SORCS3: variants seen among roughly 807,000 people sequenced by gnomAD.
The protein encoded by SORCS3 is sortilin related VPS10 domain containing receptor 3.
A neutral mutation model predicts 146.3 loss-of-function variants in SORCS3; 57 were observed. The ratio of observed to expected loss-of-function variants is 0.39; its 90% CI spans 0.31 to 0.49. SORCS3 has a LOEUF of 0.49. Ranked by LOEUF, SORCS3 falls within the 20% of genes least tolerant of loss-of-function variation. The pLI is 0.92. For missense variants in SORCS3, 1,341 were observed against 1,575.5 expected (o/e 0.85, Z 2.52); for synonymous variants, 653 against 618.5 (o/e 1.06, Z -0.83).
intron 8 of SORCS3, among the ~76,000 whole-genome samples, chr10:105,145,079 G>A (rs1166597150): frequency 2.0e-5 from 3 of 152,006 alleles, no homozygotes; most frequent in Non-Finnish European, 4.4e-5. Flanking sequence ...CGGTGGTCAG[G>A]ATTAGAGGCA....
At chr10:105,012,494 G>C (rs2055141396) in intron 4 of SORCS3, among the ~76,000 whole-genome samples, 2 of 152,084 alleles carry the variant, frequency 1.3e-5, no homozygotes, top group African/African-American at 4.8e-5. Context: ...AGAAAGTCTG[G>C]ATGGAAAAGA....
intron 25 of SORCS3, among the ~76,000 whole-genome samples, chr10:105,261,877 G>T (rs140326590): frequency 6.6e-6 from 1 of 152,238 alleles, no homozygotes; most frequent in East Asian, 1.9e-4. Flanking sequence ...TGTAGCAAAA[G>T]CTATGAATCT....
At chr10:104,983,875 C>G (rs2054946195) in intron 4 of SORCS3, among the ~76,000 whole-genome samples, 1 of 152,000 alleles carries the variant, frequency 6.6e-6, no homozygotes, top group Admixed American at 6.6e-5. Flanking sequence ...GGCACCTGGC[C>G]TTTTAAACTC....
chr10:104,812,159 G>A (rs539127448), intron 1 of SORCS3, among the ~76,000 whole-genome samples: 16 of 152,260 alleles, frequency 1.1e-4, no homozygotes. Context: ...CAGTGGTAGC[G>A]CACCTAGAAT....
chr10:105,179,882 C>A (rs2056432360), intron 14 of SORCS3, among the ~76,000 whole-genome samples: 1 of 152,134 alleles, frequency 6.6e-6, no homozygotes, highest in African/African-American at 2.4e-5. Context: ...CTTAGCTTTG[C>A]CGTTGAATTG....
intron 18 of SORCS3, among the ~76,000 whole-genome samples, chr10:105,216,662 A>G: frequency 6.6e-6 from 1 of 152,222 alleles, no homozygotes; most frequent in Non-Finnish European, 1.5e-5. Context: ...GCTTCCCTTC[A>G]GAACTTTACA....
chr10:104,811,081 G>C (rs1207530336), intron 1 of SORCS3, among the ~76,000 whole-genome samples: 1 of 152,216 alleles, frequency 6.6e-6, no homozygotes, highest in Non-Finnish European at 1.5e-5. Context: ...GATAAGACAT[G>C]CACGTAATAA....
At chr10:105,133,090 G>A (rs906749554) in intron 7 of SORCS3, among the ~76,000 whole-genome samples, 1 of 152,168 alleles carries the variant, frequency 6.6e-6, no homozygotes, top group Admixed American at 6.5e-5. Flanking sequence ...GCATCAGCCT[G>A]CTTTTGTGAG....
intron 4 of SORCS3, among the ~76,000 whole-genome samples, chr10:105,007,680 A>T (rs534315269): frequency 6.6e-6 from 1 of 152,088 alleles, no homozygotes; most frequent in Admixed American, 6.5e-5. Flanking sequence ...TCTGGCCACA[A>T]GGTCAGTTCA....
intron 5 of SORCS3, among the ~76,000 whole-genome samples, chr10:105,085,271 G>C (rs1316131348): frequency 2.0e-5 from 3 of 152,256 alleles, no homozygotes; most frequent in African/African-American, 7.2e-5. Flanking sequence ...CCATCAACAT[G>C]GCAGAAGGTG....
chr10:105,213,074 C>T (rs1003791618), intron 17 of SORCS3, among the ~76,000 whole-genome samples: 2 of 152,096 alleles, frequency 1.3e-5, no homozygotes, highest in Non-Finnish European at 2.9e-5. Flanking sequence ...GCTCAGTAGC[C>T]ACAAGGTGCG....
intron 5 of SORCS3, among the ~76,000 whole-genome samples, chr10:105,071,731 G>A (rs78573980): frequency 0.059 from 9,034 of 152,186 alleles, 288 homozygotes; most frequent in Middle Eastern, 0.088. Flanking sequence ...ATTGACCATA[G>A]TCACCCTGTT....
intron 4 of SORCS3, among the ~76,000 whole-genome samples, chr10:105,034,853 A>G (rs768346478): frequency 6.6e-6 from 1 of 152,182 alleles, no homozygotes; most frequent in South Asian, 2.1e-4. Context: ...CCTTGTTCAT[A>G]TAATTAAGGA....
rs72819932 is a variant in SORCS3 at position 105,262,784 on chromosome 10, A to G, written c.3604+293A>G. On this transcript the variant is annotated intron_variant, in intron 26 of 26. Coordinates refer to ENST00000369701, the MANE Select transcript of SORCS3 (RefSeq NM_014978.3). ...TCTTTTTCTATAAAGCAAAAGTATT[A>G]TATGTCCTTACTAATGATTACATGA... Among the ~76,000 whole-genome samples the G allele has an allele frequency of 0.064, 9,781 of 152,290 alleles. 401 individuals carry two copies. The highest frequency in any genetic ancestry group is 0.2 in the Middle Eastern group (58 of 294).
chr10:104,814,320 C>T (rs1441598190), intron 1 of SORCS3, among the ~76,000 whole-genome samples: 1 of 152,160 alleles, frequency 6.6e-6, no homozygotes, highest in Admixed American at 6.5e-5. Context: ...ACTCCAAAGG[C>T]ACATGCCATG....
At chr10:105,254,879 G>GA (rs1312018974) in intron 23 of SORCS3, among the ~76,000 whole-genome samples, 3 of 152,088 alleles carry the variant, frequency 2.0e-5, no homozygotes, top group African/African-American at 7.2e-5. Context: ...ACATTTTGTT[G>GA]AAAAAATCCA....
intron 6 of SORCS3, among the ~76,000 whole-genome samples, chr10:105,103,335 T>A (rs2055799334): frequency 1.3e-5 from 2 of 152,188 alleles, no homozygotes; most frequent in African/African-American, 2.4e-5. Context: ...ATTAGGATAG[T>A]TATAAAGGCC....
At chr10:105,237,296 T>C (rs1044376711) in intron 20 of SORCS3, among the ~76,000 whole-genome samples, 10 of 152,216 alleles carry the variant, frequency 6.6e-5, no homozygotes, top group Admixed American at 3.9e-4. Flanking sequence ...GAGTCTCAGT[T>C]TTATTGTTGG....
rs115516699 is a variant in SORCS3, at chr10:104,671,193, T to C, written c.627+29239T>C. On this transcript the variant is annotated intron_variant, in intron 1 of 26. Coordinates refer to ENST00000369701, the MANE Select transcript of SORCS3 (RefSeq NM_014978.3). ...TCAGTACTGTGTTGAACAGTATTAG[T>C]AAAAGCCAGCTTCCTTGACTTGTTC... Among the ~76,000 whole-genome samples, 813 of 151,980 alleles carry C rather than the reference T, an allele frequency of 5.3e-3. 8 individuals carry two copies. The highest frequency in any genetic ancestry group is 0.018 in the African/African-American group (765 of 41,476).
Sources: gnomAD v4.1 joint callset for allele counts (sites outside exome capture counted in the v4.1 genomes callset) on GRCh38, gnomAD v4.1.1 for gene constraint, MANE v1.5 for transcripts, NCBI Gene and HGNC (gene_info 2026-07-23, HGNC 2026-07-21) for gene names.